PLPP3: variants seen among roughly 807,000 people sequenced by gnomAD.
PLPP3 encodes phospholipid phosphatase 3.
Under a neutral mutation model 29.6 loss-of-function variants are expected in PLPP3, and 6 were observed. The ratio of observed to expected loss-of-function variants is 0.20; its 90% CI spans 0.11 to 0.40. The LOEUF (loss-of-function observed/expected upper bound fraction) is 0.40, where lower values mean the gene tolerates loss of function less well. Among genes scored for constraint, PLPP3 ranks in the 10% least tolerant of loss-of-function variants. The pLI is 1.00. For missense variants in PLPP3, 308 were observed against 407.7 expected (o/e 0.76, Z 2.11); for synonymous variants, 152 against 159.7 (o/e 0.95, Z 0.36).
At chr1:56,520,948 A>G (rs1645815169) in intron 4 of PLPP3, among the ~76,000 whole-genome samples, 1 of 149,354 alleles carries the variant, frequency 6.7e-6, no homozygotes, top group Admixed American at 6.7e-5. Context: ...AACTTTTGCA[A>G]ATCGGCCTAG....
chr1:56,579,070 G>C lies in PLPP3; in HGVS notation c.-54C>G. 6.4e-7 allele frequency: 1 copy of C among 1,564,578 alleles called. No homozygotes were observed. Among genetic ancestry groups the C allele is most frequent in the Non-Finnish European group, 8.6e-7 (1 of 1,162,414 alleles). On this transcript the variant is annotated 5_prime_UTR_variant, in exon 1 of 6. Coordinates refer to ENST00000371250, the MANE Select transcript of PLPP3 (RefSeq NM_003713.5). ...CCCGCGAAGACGTCCCGCAACAGCAGCCACACACCCAGGCGCCCGGGTCGC... is the reference window on the plus strand; with the variant it reads ...CCCGCGAAGACGTCCCGCAACAGCACCCACACACCCAGGCGCCCGGGTCGC...
At position 56,515,406 on chromosome 1, in the gene PLPP3, G is replaced by A. The variant is rs1569871031; in HGVS notation, c.634-3254C>T. ...TCACAAGCCTTGGAAATCAAGGGTG[G>A]GGCAGAGGAAGGGCGTGTTTCCCAA... On this transcript the variant is annotated intron_variant, in intron 4 of 5. Transcript: ENST00000371250. 2.6e-5 allele frequency among the ~76,000 whole-genome samples: 4 copies of A among 152,226 alleles called. No homozygotes were observed. In the Middle Eastern group the frequency reaches 0.014, roughly 518 times the overall value.
chr1:56,518,546 C>T (rs914909422), intron 4 of PLPP3, among the ~76,000 whole-genome samples: 29 of 152,152 alleles, frequency 1.9e-4, no homozygotes, highest in Admixed American at 1.7e-3. Context: ...AATGGAAAGG[C>T]GGATGGCCCG....
intron 4 of PLPP3, chr1:56,512,432 T>C: frequency 6.8e-6 from 2 of 293,996 alleles, no homozygotes; most frequent in Non-Finnish European, 1.3e-5. Context: ...GCCAACATAG[T>C]GAAACCTCAT....
intron 2 of PLPP3, among the ~76,000 whole-genome samples, chr1:56,527,865 C>T (rs758718734): frequency 2.0e-5 from 3 of 152,134 alleles, no homozygotes; most frequent in Admixed American, 1.3e-4. Context: ...TTCTCCGACA[C>T]GTTACACACC....
intron 4 of PLPP3, among the ~76,000 whole-genome samples, chr1:56,521,234 C>CAAAAAAAAAAAAAAAA (rs765448174): frequency 1.8e-5 from 1 of 54,772 alleles, no homozygotes; most frequent in African/African-American, 6.8e-5. Flanking sequence ...GACTCTGTCT[C>CAAAAAAAAAAAAAAAA]AAAAAAAAAA....
chr1:56,573,225 T>C (rs1428639795), intron 1 of PLPP3, among the ~76,000 whole-genome samples: 4 of 152,116 alleles, frequency 2.6e-5, no homozygotes, highest in African/African-American at 9.7e-5. Context: ...AACCAGAAAA[T>C]ACATAAAGAT....
chr1:56,562,181 G>C (rs1404866286), intron 1 of PLPP3, among the ~76,000 whole-genome samples: 1 of 151,998 alleles, frequency 6.6e-6, no homozygotes, highest in East Asian at 1.9e-4. Flanking sequence ...TTGGGAGAGA[G>C]TGGGGTAATG....
At chr1:56,498,036 T>G (rs890878020) in intron 5 of PLPP3, among the ~76,000 whole-genome samples, 1 of 152,008 alleles carries the variant, frequency 6.6e-6, no homozygotes, top group African/African-American at 2.4e-5. Context: ...TAATAAGTAT[T>G]ATTTTGTTGT....
intron 1 of PLPP3, among the ~76,000 whole-genome samples, chr1:56,555,924 C>G (rs1021364057): frequency 1.3e-5 from 2 of 152,192 alleles, no homozygotes; most frequent in Non-Finnish European, 2.9e-5. Context: ...TAATAACCAT[C>G]AAACAGTCTC....
chr1:56,567,483 T>C (rs946498926), intron 1 of PLPP3, among the ~76,000 whole-genome samples: 7 of 143,448 alleles, frequency 4.9e-5, no homozygotes, highest in Non-Finnish European at 7.5e-5. Flanking sequence ...CTGCAAGCTC[T>C]GCCTCCCGGG....
chr1:56,557,450 T>C (rs1214425985), intron 1 of PLPP3, among the ~76,000 whole-genome samples: 2 of 152,154 alleles, frequency 1.3e-5, no homozygotes, highest in Non-Finnish European at 2.9e-5. Flanking sequence ...TTTGATGAAC[T>C]AGATTTTGAG....
At chr1:56,536,933 A>T (rs1362565513) in intron 2 of PLPP3, 22 bp downstream of exon 2, 27 of 1,612,990 alleles carry the variant, frequency 1.7e-5, no homozygotes, top group Non-Finnish European at 2.2e-5. Flanking sequence ...AGGATCCACC[A>T]TAGCAGAGTC....
At chr1:56,540,748 G>C (rs769664305) in intron 1 of PLPP3, among the ~76,000 whole-genome samples, 1 of 152,072 alleles carries the variant, frequency 6.6e-6, no homozygotes, top group Non-Finnish European at 1.5e-5. Flanking sequence ...TTTGATCCAG[G>C]AAGAGTAACC....
chr1:56,529,949 A>G (rs1415767106), intron 2 of PLPP3, among the ~76,000 whole-genome samples: 1 of 152,164 alleles, frequency 6.6e-6, no homozygotes, highest in African/African-American at 2.4e-5. Context: ...CCCTGTGCCC[A>G]CAAGTCTCAT....
chr1:56,533,607 C>T (rs1174260839), intron 2 of PLPP3, among the ~76,000 whole-genome samples: 1 of 152,018 alleles, frequency 6.6e-6, no homozygotes. Flanking sequence ...AGGATTACTA[C>T]CAGGTGCAAA....
chr1:56,574,078 T>C (rs1049221971), intron 1 of PLPP3, among the ~76,000 whole-genome samples: 17 of 151,872 alleles, frequency 1.1e-4, no homozygotes, highest in African/African-American at 3.9e-4. Context: ...CACGTGCCTG[T>C]AGTCCCAGCT....
intron 2 of PLPP3, among the ~76,000 whole-genome samples, chr1:56,532,034 T>C (rs1557505456): frequency 6.6e-6 from 1 of 152,190 alleles, no homozygotes; most frequent in African/African-American, 2.4e-5. Context: ...CAAATAGTCA[T>C]GAATCCCTAA....
intron 4 of PLPP3, among the ~76,000 whole-genome samples, chr1:56,523,071 A>G (rs1314175874): frequency 6.6e-6 from 1 of 152,182 alleles, no homozygotes; most frequent in East Asian, 1.9e-4. Flanking sequence ...TGGTTGAAGG[A>G]ACTCAAACAT....
Sources: allele counts gnomAD v4.1 joint callset (sites outside exome capture counted in the v4.1 genomes callset), GRCh38; gene constraint gnomAD v4.1.1; transcripts MANE v1.5; gene names NCBI Gene and HGNC (gene_info 2026-07-23, HGNC 2026-07-21).